SLC48A1: variants seen among roughly 807,000 people sequenced by gnomAD.
SLC48A1 encodes heme transporter HRG1.
SLC48A1 carries 6 observed loss-of-function variants against 14.8 expected under a neutral mutation model. That is an observed-to-expected ratio of 0.41 (90% CI 0.22 to 0.80). SLC48A1 has a LOEUF of 0.80. Ranked by LOEUF, SLC48A1 falls within the 30% of genes least tolerant of loss-of-function variation. The probability of loss-of-function intolerance (pLI) is 0.34; values close to 1 mark genes in which losing one functional copy is unlikely to be tolerated. For missense variants in SLC48A1, 165 were observed against 204.8 expected (o/e 0.81, Z 1.19); for synonymous variants, 89 against 90.0 (o/e 0.99, Z 0.06).
At chr12:47,761,196 C>CA (rs35422100) in intron 2 of SLC48A1, among the ~76,000 whole-genome samples, 34,874 of 101,698 alleles carry the variant, frequency 0.34, 5,132 homozygotes, top group Admixed American at 0.51. Context: ...AACTCCATCT[C>CA]AAAAAAAAAA....
rs774893883 is a variant in SLC48A1, at chr12:47,773,394, G to C, written c.90G>C (p.Thr30=). ...VAGFSIFLVW[T]VVYRQPGTAA... is the part of the protein sequence containing the mutation. Reference sequence around the variant, plus strand: ...GCTTCTCCATCTTCCTCGTCTGGACGGTGGTCTACCGACAGCCGGGGACCG... The same window carrying C: ...GCTTCTCCATCTTCCTCGTCTGGACCGTGGTCTACCGACAGCCGGGGACCG... The change falls in exon 1 of 3, where the codon ACG becomes ACC. Residue 30 remains threonine (T), a synonymous_variant. Transcript: ENST00000442218. The C allele has an allele frequency of 1.2e-5, 17 of 1,468,066 alleles. No individual in the cohort carries two copies. The South Asian group carries it at 2.2e-4, about 19-fold the overall frequency. The allele number at this position is 1,468,066 out of a possible 1,614,324, so 90.9% of individuals were successfully genotyped here.
chr12:47,776,967 T>C (rs978975286), intron 1 of SLC48A1, among the ~76,000 whole-genome samples: 2 of 152,190 alleles, frequency 1.3e-5, no homozygotes, highest in Admixed American at 6.5e-5. Flanking sequence ...CCAACCCCTC[T>C]GTGGCACGAG....
rs370750256 is a variant in SLC48A1, at chr12:47,759,174, G to T, written c.-373+514G>T. The T allele has an allele frequency of 1.0e-4, 90 of 881,028 alleles. 2 individuals carry two copies. The East Asian group carries it at 7.9e-3, about 78-fold the overall frequency. 54.6% of individuals were successfully genotyped at this position (881,028 alleles called of 1,614,324 possible). On this transcript the variant is annotated intron_variant, in intron 1 of 4. Coordinates refer to the SLC48A1 transcript ENST00000547002. The stretch of plus-strand genomic sequence containing the variant: ...GGTGAGTGGCTGCACTGGCCGCCAC[G>T]TGGCCGGGAGGAGAAATGCAAACAA...
chr12:47,775,822 CA>C (rs1385286218), intron 1 of SLC48A1, among the ~76,000 whole-genome samples: 3 of 152,148 alleles, frequency 2.0e-5, no homozygotes, highest in Non-Finnish European at 2.9e-5. Flanking sequence ...TACCCTCTCC[CA>C]TCCTGATGGG....
At position 47,780,300 on chromosome 12, in the gene SLC48A1, TGCACCCTGGGGGG is replaced by T. The variant is rs759843542; in HGVS notation, c.*22_*34del. ...TTTCTGACCCAGGGGGTGAGGTCTCTGCACCCTGGGGGGGCCTTAGGACCTGGACTCAGCCTCT... is the reference window on the plus strand; with the variant it reads ...TTTCTGACCCAGGGGGTGAGGTCTCTGCCTTAGGACCTGGACTCAGCCTCT... On this transcript the variant is annotated 3_prime_UTR_variant, in exon 3 of 3. Coordinates refer to ENST00000442218, the MANE Select transcript of SLC48A1 (RefSeq NM_017842.3). 20 of 1,614,172 alleles carry T rather than the reference TGCACCCTGGGGGG, an allele frequency of 1.2e-5. No homozygotes were observed. The highest frequency in any genetic ancestry group is 1.5e-5 in the Non-Finnish European group (18 of 1,179,986).
At chr12:47,757,426 G>T (rs998892049), upstream of SLC48A1, among the ~76,000 whole-genome samples, 1 of 152,012 alleles carries the variant, frequency 6.6e-6, no homozygotes, top group Non-Finnish European at 1.5e-5. Context: ...AGACCAAAAC[G>T]CAGAATTAGC....
chr12:47,755,673 C>A (rs141628519), upstream of SLC48A1: 6 of 152,210 alleles, frequency 3.9e-5, no homozygotes, highest in African/African-American at 1.4e-4. Context: ...TACTGTAACC[C>A]GCTTTCATTT....
rs953646816 is a variant in SLC48A1 at position 47,780,662 on chromosome 12, G to A, written c.*381G>A. On this transcript the variant is annotated 3_prime_UTR_variant, in exon 3 of 3. Coordinates refer to ENST00000442218, the MANE Select transcript of SLC48A1 (RefSeq NM_017842.3). ...GCTCACTGCAACCTCCGCCTCCCAGGTTCAAGCAATTCTCCTGCCTTGGCC... is the reference window on the plus strand; with the variant it reads ...GCTCACTGCAACCTCCGCCTCCCAGATTCAAGCAATTCTCCTGCCTTGGCC... The A allele has an allele frequency of 9.7e-6, 4 of 412,486 alleles. No homozygotes were observed. The highest frequency in any genetic ancestry group is 2.9e-5 in the Admixed American group (1 of 33,990). 25.6% of individuals were successfully genotyped at this position (412,486 alleles called of 1,614,324 possible). A position where few individuals can be genotyped will look rare whatever the true frequency, so the allele number is the denominator to read the frequency against.
chr12:47,765,582 G>A (rs1023221602), intron 2 of SLC48A1, among the ~76,000 whole-genome samples: 1 of 152,088 alleles, frequency 6.6e-6, no homozygotes, highest in Non-Finnish European at 1.5e-5. Context: ...GGCCCTGGGG[G>A]CCAGGCAAAG....
chr12:47,761,035 A>G (rs1942366154), intron 2 of SLC48A1, among the ~76,000 whole-genome samples: 1 of 152,070 alleles, frequency 6.6e-6, no homozygotes, highest in South Asian at 2.1e-4. Context: ...TGTCTCTACT[A>G]AAAATACAAA....
At chr12:47,778,721 AAAAAT>A (rs1034152538) in intron 1 of SLC48A1, 2 of 318,578 alleles carry the variant, frequency 6.3e-6, no homozygotes, top group African/African-American at 2.1e-5. Context: ...AAGTAATACT[AAAAAT>A]AACATGAATT....
chr12:47,754,026 A>C (rs74088047), upstream of SLC48A1: 154 of 152,372 alleles, frequency 1.0e-3, no homozygotes, highest in African/African-American at 3.6e-3. Context: ...CTATTTAGAA[A>C]GGTAAGATTC....
upstream of SLC48A1, among the ~76,000 whole-genome samples, chr12:47,772,757 C>G (rs762624832): frequency 2.0e-5 from 3 of 151,590 alleles, no homozygotes; most frequent in Admixed American, 6.6e-5. Flanking sequence ...AGGTGATGGT[C>G]GCAGGGGTTC....
intron 1 of SLC48A1, among the ~76,000 whole-genome samples, chr12:47,774,904 T>C (rs1942709504): frequency 6.6e-6 from 1 of 152,324 alleles, no homozygotes. Flanking sequence ...TCCCTGCCAC[T>C]TTTTTGTTTC....
At chr12:47,773,986 G>C (rs1371052189) in intron 1 of SLC48A1, among the ~76,000 whole-genome samples, 1 of 152,272 alleles carries the variant, frequency 6.6e-6, no homozygotes, top group African/African-American at 2.4e-5. Flanking sequence ...CCCCCGCAGA[G>C]CCCTCTGCTG....
rs60379857 is a variant in SLC48A1, at chr12:47,780,568, C to CTTT, written c.*301_*303dup. The CTTT allele has an allele frequency of 3.2e-4, 136 of 424,614 alleles. No homozygotes were observed. The highest frequency in any genetic ancestry group is 1.3e-3 in the East Asian group (19 of 14,800). The allele number at this position is 424,614 out of a possible 1,614,324, so 26.3% of individuals were successfully genotyped here. On this transcript the variant is annotated 3_prime_UTR_variant, in exon 3 of 3. Coordinates refer to ENST00000442218, the MANE Select transcript of SLC48A1 (RefSeq NM_017842.3). The stretch of plus-strand genomic sequence containing the variant: ...GTTTTCTTTTCTTTCTTTTTTTTTT[C>CTTT]TTTTTTTTTTTTTTTTGAGATGGAG...
At chr12:47,758,762 G>C (rs984448215) in intron 1 of SLC48A1, 1 of 1,249,846 alleles carries the variant, frequency 8.0e-7, no homozygotes, top group Non-Finnish European at 1.0e-6. Flanking sequence ...GGTGAGTAGA[G>C]GGGTGGGGGC....
chr12:47,773,178 G>T, upstream of SLC48A1: 1 of 988,704 alleles, frequency 1.0e-6, no homozygotes, highest in Non-Finnish European at 1.2e-6. Flanking sequence ...CGCTGGGGGC[G>T]GGCCGGGGGC....
rs780940243 is a variant in SLC48A1 at position 47,773,337 on chromosome 12, C to G, written c.33C>G (p.Arg11=). MAPSRLQLGL[R]AAYSGISSVA... ...CGTCCAGGCTGCAGCTCGGCCTCCG[C>G]GCCGCCTACTCCGGCATCAGCTCCG... Residue 11 remains arginine, a synonymous_variant, in exon 1 of 3, where the codon CGC becomes CGG. Coordinates refer to ENST00000442218, the MANE Select transcript of SLC48A1 (RefSeq NM_017842.3). 23 of 1,474,068 alleles carry G rather than the reference C, an allele frequency of 1.6e-5. No individual in the cohort carries two copies. In the South Asian group the frequency reaches 2.6e-4, roughly 17 times the overall value. 91.3% of individuals were successfully genotyped at this position (1,474,068 alleles called of 1,614,324 possible).
Sources: gnomAD v4.1 joint callset for allele counts (sites outside exome capture counted in the v4.1 genomes callset) on GRCh38, gnomAD v4.1.1 for gene constraint, MANE v1.5 for transcripts, NCBI Gene and HGNC (gene_info 2026-07-23, HGNC 2026-07-21) for gene names.